Variants in NBAS observed in about 807,000 individuals in gnomAD.
NBAS encodes NAG/BC035112 fusion.
Under a neutral mutation model 302.5 loss-of-function variants are expected in NBAS, and 219 were observed. That is an observed-to-expected ratio of 0.72 (90% CI 0.65 to 0.81). The LOEUF (loss-of-function observed/expected upper bound fraction) is 0.81. NBAS is among the 30% of genes least tolerant of loss of function. The pLI, the probability that NBAS is intolerant of heterozygous loss-of-function variation, is 0.00. For synonymous variants in NBAS, 1,118 were observed against 1,021.6 expected (o/e 1.09, Z -1.80); for missense variants, 2,932 against 2,841.6 (o/e 1.03, Z -0.72).
the NBAS span, among the ~76,000 whole-genome samples, chr2:15,088,990 C>A: frequency 6.6e-6 from 1 of 152,152 alleles, no homozygotes; most frequent in Non-Finnish European, 1.5e-5. Context: ...TCTGTTGATA[C>A]CCCATCCCTG....
At chr2:15,389,902 A>G (rs181162439) in intron 28 of NBAS, among the ~76,000 whole-genome samples, 104 of 152,306 alleles carry the variant, frequency 6.8e-4, no homozygotes, top group African/African-American at 2.4e-3. Context: ...ACAGCACAAG[A>G]AAGGATCAAT....
Position 15,554,081 on chromosome 2 carries a change from G to A in NBAS, c.267C>T (p.Asn89=). Residue 89 remains asparagine, a synonymous_variant, in exon 4 of 52, where the codon AAC becomes AAT. Transcript: ENST00000281513. The stretch of plus-strand genomic sequence containing the variant: ...CTTACCTTGCAAGTACCAAATGCCA[G>A]TTTATCTGTTTATTAACCAAGCGAA... ...GLVRLVNKQI[N]WHLVLASNGK... 3 of 1,613,862 alleles carry A rather than the reference G, an allele frequency of 1.9e-6. No homozygotes were observed. The highest frequency in any genetic ancestry group is 2.5e-6 in the Non-Finnish European group (3 of 1,179,880).
At chr2:15,095,245 G>A in the NBAS span, among the ~76,000 whole-genome samples, 2 of 152,142 alleles carry the variant, frequency 1.3e-5, no homozygotes, top group Non-Finnish European at 2.9e-5. Context: ...TTTTCATGCT[G>A]CTGATAAAGA....
In NBAS at chr2:15,468,474, A is replaced by C; in HGVS notation, c.1785T>G (p.Asn595Lys). Residue 595 changes from asparagine (N) to lysine (K), a missense_variant, in exon 17 of 52, where the codon AAT becomes AAG. By Grantham distance (94) the Asn-to-Lys change is moderately conservative. Transcript: ENST00000281513. ...GAAGCAGTTCTTTTGCAGCATCCAC[A>C]TTTTCAGGAACTCTTTCCAAACACT... is the stretch of plus-strand genomic sequence containing the variant. The part of the protein sequence containing the change: ...LHECLERVPE[N>K]VDAAKELLQY... 1 of 1,613,966 alleles carries C rather than the reference A, an allele frequency of 6.2e-7. No homozygotes were observed. Among genetic ancestry groups the C allele is most frequent in the Non-Finnish European group, 8.5e-7 (1 of 1,179,938 alleles).
At chr2:15,230,716 G>A (rs1265233323) in intron 47 of NBAS, among the ~76,000 whole-genome samples, 6 of 152,206 alleles carry the variant, frequency 3.9e-5, no homozygotes, top group Admixed American at 6.5e-5. Context: ...AGGATCCAGA[G>A]TCAGCCTAGC....
intron 11 of NBAS, among the ~76,000 whole-genome samples, chr2:15,496,643 A>G (rs1339984279): frequency 1.3e-5 from 2 of 151,846 alleles, no homozygotes; most frequent in Non-Finnish European, 2.9e-5. Context: ...GAGGGAAGAA[A>G]GGAAGAAAAG....
At chr2:14,931,296 C>A in the NBAS span, among the ~76,000 whole-genome samples, 1 of 152,106 alleles carries the variant, frequency 6.6e-6, no homozygotes, top group African/African-American at 2.4e-5. Context: ...AGCAGTTTTG[C>A]AGGTTTTTTG....
intron 25 of NBAS, 136 bp from the exon 26 acceptor site, chr2:15,402,437 T>C (rs1033185182): frequency 5.8e-6 from 5 of 864,068 alleles, no homozygotes; most frequent in African/African-American, 1.7e-5. Context: ...TTTTTCTTTA[T>C]AGATTTCTGG....
At chr2:15,071,548 C>A in the NBAS span, among the ~76,000 whole-genome samples, 1 of 148,674 alleles carries the variant, frequency 6.7e-6, no homozygotes, top group Non-Finnish European at 1.5e-5. Flanking sequence ...CGCTTGAACT[C>A]GGGAGGCGGA....
the NBAS span, among the ~76,000 whole-genome samples, chr2:14,825,412 GC>G: frequency 1.3e-5 from 2 of 152,176 alleles, no homozygotes; most frequent in Non-Finnish European, 2.9e-5. Context: ...TGGTTAACTT[GC>G]CCCAGTGCCT....
At chr2:14,859,020 T>C in the NBAS span, among the ~76,000 whole-genome samples, 1 of 152,074 alleles carries the variant, frequency 6.6e-6, no homozygotes, top group South Asian at 2.1e-4. Flanking sequence ...CAAAATTTAG[T>C]AGCATTTATA....
At chr2:14,866,464 G>A in the NBAS span, among the ~76,000 whole-genome samples, 1 of 151,866 alleles carries the variant, frequency 6.6e-6, no homozygotes, top group African/African-American at 2.4e-5. Context: ...TACTACAAGA[G>A]CAAAAACCAT....
At chr2:15,211,902 A>G (rs1666429874) in intron 48 of NBAS, among the ~76,000 whole-genome samples, 1 of 152,176 alleles carries the variant, frequency 6.6e-6, no homozygotes, top group Non-Finnish European at 1.5e-5. Context: ...GCGTCCCTAT[A>G]TCTCCACTTC....
At chr2:14,859,452 T>C in the NBAS span, among the ~76,000 whole-genome samples, 1 of 151,934 alleles carries the variant, frequency 6.6e-6, no homozygotes, top group African/African-American at 2.4e-5. Context: ...TACTACAAGA[T>C]TGTAATAACC....
At chr2:15,047,839 T>C in the NBAS span, among the ~76,000 whole-genome samples, 125,364 of 152,306 alleles carry the variant, frequency 0.82, 51,945 homozygotes, top group East Asian at 0.99. Flanking sequence ...ACTTGCTGTG[T>C]GACGTCAGGC....
At chr2:15,125,493 G>A in the NBAS span, among the ~76,000 whole-genome samples, 1 of 144,650 alleles carries the variant, frequency 6.9e-6, no homozygotes, top group Non-Finnish European at 1.5e-5. Context: ...CCACTCCCAT[G>A]ATCTAGTCAT....
At chr2:14,780,003 C>A in the NBAS span, among the ~76,000 whole-genome samples, 1 of 152,064 alleles carries the variant, frequency 6.6e-6, no homozygotes, top group Non-Finnish European at 1.5e-5. Context: ...AGGTGCTAGT[C>A]CCTGGGACCC....
Position 15,466,521 on chromosome 2 carries a change from G to A in NBAS, c.2097+808C>T, listed in dbSNP as rs976329390. 3.3e-5 allele frequency among the ~76,000 whole-genome samples: 5 copies of A among 152,180 alleles called. No homozygotes were observed. The East Asian group carries it at 9.7e-4, about 29-fold the overall frequency. On this transcript the variant is annotated intron_variant, in intron 19 of 51. Transcript: ENST00000281513. ...AGTGCTACTGAAATGCCCAACATGG[G>A]GACATCTATGTTTGTGTCCCTGAAG...
chr2:15,010,763 A>G, the NBAS span, among the ~76,000 whole-genome samples: 3 of 152,220 alleles, frequency 2.0e-5, no homozygotes, highest in Non-Finnish European at 2.9e-5. Context: ...ACATATATTA[A>G]CACAAAATGT....
Sources: allele counts gnomAD v4.1 joint callset (sites outside exome capture counted in the v4.1 genomes callset), GRCh38; gene constraint gnomAD v4.1.1; transcripts MANE v1.5; gene names NCBI Gene and HGNC (gene_info 2026-07-23, HGNC 2026-07-21).